MYRF: variants seen among roughly 807,000 people sequenced by gnomAD.
The protein encoded by MYRF is myelin regulatory factor.
A neutral mutation model predicts 126.3 loss-of-function variants in MYRF; 16 were observed. The observed-to-expected ratio is 0.13, with a 90% CI of 0.09 to 0.19. The LOEUF (loss-of-function observed/expected upper bound fraction) is 0.19. MYRF is among the 10% of genes least tolerant of loss of function. MYRF has a pLI of 1.00. For synonymous variants in MYRF, 608 were observed against 635.3 expected, an observed-to-expected ratio of 0.96 and a Z score of 0.65; for missense variants, 1,104 against 1,547.0, an observed-to-expected ratio of 0.71 and a Z score of 4.80.
In MYRF at chr11:61,783,615, C is replaced by A. The variant is rs765352712; in HGVS notation, c.3119+15C>A. 3 of 1,607,742 alleles carry A rather than the reference C, an allele frequency of 1.9e-6. No individual in the cohort carries two copies. The highest frequency in any genetic ancestry group is 3.3e-5 in the Admixed American group (2 of 59,956). On this transcript the variant is annotated intron_variant, in intron 23 of 26. Coordinates refer to ENST00000278836, the MANE Select transcript of MYRF (RefSeq NM_001127392.3). The surrounding 1 kb of genome is among the most constrained non-coding windows in gnomAD (Gnocchi z 4.6). ...GATGCCTGCAGGTGGGCTGGGCTCC[C>A]TCCCCTCACCCAGGGAGGTCCTCAG...
In MYRF at chr11:61,766,036, G is replaced by A; in HGVS notation, c.213G>A (p.Gly71=). The change falls in exon 3 of 27, where the codon GGG becomes GGA. Residue 71 remains glycine, a synonymous_variant. Transcript: ENST00000278836. ...HGQPAMPGSS[G]VHHLSPPGGG... The stretch of plus-strand genomic sequence containing the variant: ...AGCCTGCGATGCCTGGCTCCAGCGG[G>A]GTCCACCACCTGAGCCCCCCTGGGG... The A allele has an allele frequency of 1.3e-6, 2 of 1,596,560 alleles. No individual in the cohort carries two copies. Among genetic ancestry groups the A allele is most frequent in the Non-Finnish European group, 8.5e-7 (1 of 1,174,004 alleles).
At position 61,778,502 on chromosome 11, in the gene MYRF, G is replaced by A. The variant is rs759792388; in HGVS notation, c.2013+13G>A. 3.8e-6 allele frequency: 6 copies of A among 1,584,940 alleles called. No homozygotes were observed. Among genetic ancestry groups the A allele is most frequent in the South Asian group, 1.1e-5 (1 of 90,564 alleles). On this transcript the variant is annotated intron_variant, in intron 14 of 26. Transcript: ENST00000278836. This position sits in a 1 kb window ranked among gnomAD's most constrained non-coding sequence, Gnocchi z 4.6. ...GGTGGTGAACAAGGTCTGTGGGTGGGGGAATGGGAGGGAGCCCAGAGGCAA... is the reference window on the plus strand; with the variant it reads ...GGTGGTGAACAAGGTCTGTGGGTGGAGGAATGGGAGGGAGCCCAGAGGCAA...
At chr11:61,762,842 A>G (rs2065937022) in intron 1 of MYRF, among the ~76,000 whole-genome samples, 1 of 151,808 alleles carries the variant, frequency 6.6e-6, no homozygotes, top group Admixed American at 6.6e-5. Context: ...ACGCTGCCCC[A>G]TCAGTTCCCT....
At chr11:61,772,065 A>C in intron 7 of MYRF, 113 bp downstream of exon 7, 2 of 1,444,370 alleles carry the variant, frequency 1.4e-6, no homozygotes, top group Non-Finnish European at 1.9e-6. Context: ...ATTTCACAGA[A>C]GAGCAAACAG....
At chr11:61,768,834 C>T (rs2066132135) in intron 3 of MYRF, 1 of 170,298 alleles carries the variant, frequency 5.9e-6, no homozygotes, top group African/African-American at 2.4e-5. Context: ...TCCACACCTG[C>T]CTCTGGTGGG....
chr11:61,766,057 T>C lies in MYRF; in HGVS notation c.234T>C (p.Pro78=). The C allele has an allele frequency of 1.2e-6, 2 of 1,603,468 alleles. No homozygotes were observed. Among genetic ancestry groups the C allele is most frequent in the South Asian group, 1.1e-5 (1 of 90,648 alleles). Residue 78 remains proline (P), a synonymous_variant, in exon 3 of 27, where the codon CCT becomes CCC. Transcript: ENST00000278836. The part of the protein sequence containing the change: ...GSSGVHHLSP[P]GGGPSPGRHG... ...GCGGGGTCCACCACCTGAGCCCCCC[T>C]GGGGGTGGACCCTCCCCGGGGCGCC...
rs781218530 is a variant in MYRF at position 61,779,235 on chromosome 11, A to G, written c.2014-28A>G. On this transcript the variant is annotated intron_variant, in intron 14 of 26. Transcript: ENST00000278836. ...CTGACTGGGCCCTCTGTGTTGGCCC[A>G]TGGCCCATGGCCCATGGCCCATGGC... 2.6e-6 allele frequency: 4 copies of G among 1,528,900 alleles called. No individual in the cohort carries two copies. In the East Asian group the frequency reaches 7.4e-5, roughly 28 times the overall value. The allele number at this position is 1,528,900 out of a possible 1,614,324, so 94.7% of individuals were successfully genotyped here.
In MYRF at chr11:61,776,807, C is replaced by T. The variant is rs1420373393; in HGVS notation, c.1520C>T (p.Ala507Val). ...PDQRYFMLVVALQAHAQNQNY... is the reference protein window; with the variant it reads ...PDQRYFMLVVVLQAHAQNQNY... ...CCCAGGTACTTCATGCTGGTGGTGGCCCTCCAGGCTCATGCACAGAACCAG... is the reference window on the plus strand; with the variant it reads ...CCCAGGTACTTCATGCTGGTGGTGGTCCTCCAGGCTCATGCACAGAACCAG... Residue 507 changes from alanine to valine, a missense_variant, in exon 11 of 27, where the codon GCC becomes GTC. Around this residue, in one of 10 missense-constraint regions of MYRF, gnomAD observed 48 missense variants for 148.2 expected, o/e 0.32. Transcript: ENST00000278836. This position sits in a 1 kb window ranked among gnomAD's most constrained non-coding sequence, Gnocchi z 4.3. 2 of 1,604,982 alleles carry T rather than the reference C, an allele frequency of 1.2e-6. No homozygotes were observed. Among genetic ancestry groups the T allele is most frequent in the Non-Finnish European group, 1.7e-6 (2 of 1,176,166 alleles).
rs897521632 is a variant in MYRF at position 61,777,501 on chromosome 11, C to T, written c.1791+37C>T. On this transcript the variant is annotated intron_variant, in intron 12 of 26. Transcript: ENST00000278836. The surrounding 1 kb of genome is among the most constrained non-coding windows in gnomAD (Gnocchi z 8.8). The stretch of plus-strand genomic sequence containing the variant: ...GCTGTGGGGGCCGGGCGGGTCCAGA[C>T]GCTGGAGCGGGCCGCGGGGGCGGGG... 7.8e-6 allele frequency: 12 copies of T among 1,530,636 alleles called. No homozygotes were observed. The highest frequency in any genetic ancestry group is 2.5e-5 in the East Asian group (1 of 40,624). The allele number at this position is 1,530,636 out of a possible 1,614,324, so 94.8% of individuals were successfully genotyped here. A position where few individuals can be genotyped will look rare whatever the true frequency, so the allele number is the denominator to read the frequency against.
At chr11:61,779,696 TC>T (rs1481992093) in intron 16 of MYRF, 126 bp downstream of exon 16, 2 of 1,211,850 alleles carry the variant, frequency 1.7e-6, no homozygotes, top group Non-Finnish European at 1.1e-6. Flanking sequence ...TCTGTAGCCC[TC>T]CCAGCCCCGT....
chr11:61,780,000 C>T (rs1170133980), intron 17 of MYRF, 70 bp downstream of exon 17: 1 of 1,424,164 alleles, frequency 7.0e-7, no homozygotes, highest in East Asian at 2.4e-5. Context: ...GTCAGCTGCC[C>T]ATGGGCTCAG....
At chr11:61,760,038 G>T (rs576420618) in intron 1 of MYRF, among the ~76,000 whole-genome samples, 1 of 151,770 alleles carries the variant, frequency 6.6e-6, no homozygotes, top group South Asian at 2.1e-4. Flanking sequence ...GCACGATCTC[G>T]GCTCACTGCA....
intron 3 of MYRF, chr11:61,766,553 T>C (rs1048322222): frequency 6.1e-6 from 2 of 329,622 alleles, no homozygotes; most frequent in South Asian, 6.3e-5. Context: ...TGGGAACACC[T>C]GCATACCCGT....
chr11:61,784,166 T>G, intron 24 of MYRF, 114 bp from the exon 25 acceptor site: 1 of 1,071,910 alleles, frequency 9.3e-7, no homozygotes. Context: ...CTGGTTATTA[T>G]GCGGTGTTTC....
chr11:61,777,611 A>G lies in MYRF; in HGVS notation c.1792-123A>G. The G allele has an allele frequency of 7.6e-7, 1 of 1,314,494 alleles. No homozygotes were observed. The highest frequency in any genetic ancestry group is 1.1e-6 in the Non-Finnish European group (1 of 949,430). The allele number at this position is 1,314,494 out of a possible 1,614,324, so 81.4% of individuals were successfully genotyped here. A position where few individuals can be genotyped will look rare whatever the true frequency, so the allele number is the denominator to read the frequency against. On this transcript the variant is annotated intron_variant, in intron 12 of 26. Coordinates refer to ENST00000278836, the MANE Select transcript of MYRF (RefSeq NM_001127392.3). The surrounding 1 kb of genome is among the most constrained non-coding windows in gnomAD (Gnocchi z 8.8). ...GAGGCTGGCCTCGAATCCCGATCTA[A>G]CCACTCCAGTGGTGGGGTCTCCTCT...
At chr11:61,755,827 G>A (rs959301961) in intron 1 of MYRF, 1 of 453,026 alleles carries the variant, frequency 2.2e-6, no homozygotes, top group Non-Finnish European at 4.3e-6. Flanking sequence ...GGGTGTGCAG[G>A]GAGCCTTGGA....
Position 61,779,532 on chromosome 11 carries a change from G to A in MYRF, c.2209G>A (p.Val737Ile), listed in dbSNP as rs370427239. Residue 737 changes from valine to isoleucine, a missense_variant, in exon 16 of 27, where the codon GTC becomes ATC. By Grantham distance (29) the Val-to-Ile change is conservative (BLOSUM62 3). Around this residue, in one of 10 missense-constraint regions of MYRF, gnomAD observed 323 missense variants for 383.1 expected, o/e 0.84. Transcript: ENST00000278836. ...AGSQFSRAGS[V>I]PHKKRPPKVA... Reference sequence around the variant, plus strand: ...GAGCCAGTTCAGTCGGGCGGGCAGCGTCCCCCACAAGAAGAGGCCCCCCAA... The same window carrying A: ...GAGCCAGTTCAGTCGGGCGGGCAGCATCCCCCACAAGAAGAGGCCCCCCAA... 3.0e-5 allele frequency: 46 copies of A among 1,509,460 alleles called. 1 individual carries two copies. The Middle Eastern group carries it at 5.5e-4, about 18-fold the overall frequency. 93.5% of individuals were successfully genotyped at this position (1,509,460 alleles called of 1,614,324 possible).
At position 61,781,249 on chromosome 11, in the gene MYRF, C is replaced by T. The variant is rs772683371; in HGVS notation, c.2684C>T (p.Thr895Ile). 12 of 1,614,078 alleles carry T rather than the reference C, an allele frequency of 7.4e-6. No individual in the cohort carries two copies. The highest frequency in any genetic ancestry group is 1.7e-6 in the Non-Finnish European group (2 of 1,180,042). ...ICCSSPTTNP[T>I]TGPSLGPSFN... ...TGTTCCTCACCCACTACCAACCCTA[C>T]CACTGGTCCTAGTCTTGGCCCCAGC... is the stretch of plus-strand genomic sequence containing the variant. The change falls in exon 21 of 27, where the codon ACC becomes ATC. Residue 895 changes from threonine (T) to isoleucine (I), a missense_variant. Transcript: ENST00000278836.
At chr11:61,775,924 G>C in intron 8 of MYRF, 132 bp from the exon 9 acceptor site, 1 of 778,814 alleles carries the variant, frequency 1.3e-6, no homozygotes, top group Non-Finnish European at 2.2e-6. Flanking sequence ...TGTGGGAATC[G>C]CGGCTGAGGG....
Sources: gnomAD v4.1 joint callset for allele counts (sites outside exome capture counted in the v4.1 genomes callset) on GRCh38, gnomAD v4.1.1 for gene constraint, gnomAD v4.1.1 regional missense constraint, Gnocchi (gnomAD v3.1) non-coding constraint, MANE v1.5 for transcripts, NCBI Gene and HGNC (gene_info 2026-07-23, HGNC 2026-07-21) for gene names.